Variants in APLP2 observed in about 807,000 individuals in gnomAD.
APLP2 encodes the protein amyloid beta precursor like protein 2, also known as CDEI box-binding protein.
Under a neutral mutation model 89.9 loss-of-function variants are expected in APLP2, and 53 were observed. That is an observed-to-expected ratio of 0.59 (90% CI 0.47 to 0.74). The LOEUF is 0.74. Among genes scored for constraint, APLP2 ranks in the 30% least tolerant of loss-of-function variants. APLP2 has a pLI of 0.00. For missense variants in APLP2, 973 were observed against 975.9 expected (o/e 1.00, Z 0.04); for synonymous variants, 372 against 348.6 (o/e 1.07, Z -0.75).
chr11:130,127,973 G>T, intron 9 of APLP2, 133 bp downstream of exon 9: 1 of 735,350 alleles, frequency 1.4e-6, no homozygotes, highest in Non-Finnish European at 2.2e-6. Context: ...GTTGTAACTG[G>T]CCTGTTTTTC....
rs1164759186 is a variant in APLP2 at position 130,127,894 on chromosome 11, G to A, written c.1296+54G>A. 2.7e-6 allele frequency: 4 copies of A among 1,507,138 alleles called. No individual in the cohort carries two copies. The African/African-American group carries it at 5.5e-5, about 21-fold the overall frequency. 93.4% of individuals were successfully genotyped at this position (1,507,138 alleles called of 1,614,324 possible). A position where few individuals can be genotyped will look rare whatever the true frequency, so the allele number is the denominator to read the frequency against. Reference sequence around the variant, plus strand: ...TTCAGCCTGACCATTGGAAAATACGGTCAGAGCCCCATTCCCAACGAAATT... The same window carrying A: ...TTCAGCCTGACCATTGGAAAATACGATCAGAGCCCCATTCCCAACGAAATT... On this transcript the variant is annotated intron_variant, in intron 9 of 16. Coordinates refer to ENST00000338167, the MANE Select transcript of APLP2 (RefSeq NM_001142276.2).
At chr11:130,080,649 A>G (rs192554077) in intron 1 of APLP2, among the ~76,000 whole-genome samples, 54 of 151,138 alleles carry the variant, frequency 3.6e-4, no homozygotes, top group Non-Finnish European at 6.9e-4. Context: ...GACTGTGATG[A>G]CTGTAAGCTG....
chr11:130,105,243 T>A (rs1437417981), intron 1 of APLP2, among the ~76,000 whole-genome samples: 4 of 152,128 alleles, frequency 2.6e-5, no homozygotes, highest in Non-Finnish European at 5.9e-5. Context: ...TGAGACCCCA[T>A]CTCTACCAAA....
In APLP2 at chr11:130,143,535, C is replaced by G; in HGVS notation, c.*87C>G. 9.0e-7 allele frequency: 1 copy of G among 1,107,104 alleles called. No homozygotes were observed. Among genetic ancestry groups the G allele is most frequent in the African/African-American group, 1.5e-5 (1 of 65,082 alleles). The allele number at this position is 1,107,104 out of a possible 1,614,324, so 68.6% of individuals were successfully genotyped here. A position where few individuals can be genotyped will look rare whatever the true frequency, so the allele number is the denominator to read the frequency against. On this transcript the variant is annotated 3_prime_UTR_variant, in exon 17 of 17. Transcript: ENST00000338167. The stretch of plus-strand genomic sequence containing the variant: ...CCGATCGACTGCCAAGCAGCAGCCG[C>G]TGCCAGGGGCTGCGTCTGACATCCT...
At chr11:130,091,553 C>A (rs1304327180) in intron 1 of APLP2, among the ~76,000 whole-genome samples, 8 of 142,132 alleles carry the variant, frequency 5.6e-5, no homozygotes, top group South Asian at 4.4e-4. Context: ...CTGACCCCCC[C>A]ACCTCCCTCC....
At chr11:130,135,506 C>G (rs1951465115) in intron 12 of APLP2, 57 bp from the exon 13 acceptor site, 3 of 1,583,926 alleles carry the variant, frequency 1.9e-6, no homozygotes, top group South Asian at 1.1e-5. Flanking sequence ...GCATCCTGTG[C>G]CTGGACACCA....
intron 11 of APLP2, among the ~76,000 whole-genome samples, chr11:130,131,440 C>A (rs914529274): frequency 5.9e-5 from 9 of 152,112 alleles, no homozygotes; most frequent in African/African-American, 2.2e-4. Flanking sequence ...ACTTCAGAAG[C>A]TGGTTGTTTT....
intron 16 of APLP2, 77 bp downstream of exon 16, chr11:130,142,151 C>A: frequency 1.4e-6 from 2 of 1,420,696 alleles, no homozygotes; most frequent in Non-Finnish European, 1.9e-6. Flanking sequence ...AATTAATAGG[C>A]ATCTTCACTC....
At chr11:130,126,119 A>G (rs562445733) in intron 7 of APLP2, among the ~76,000 whole-genome samples, 2 of 152,196 alleles carry the variant, frequency 1.3e-5, no homozygotes, top group Non-Finnish European at 2.9e-5. Flanking sequence ...AGAGTCCTTC[A>G]CTGATACTGA....
intron 1 of APLP2, among the ~76,000 whole-genome samples, chr11:130,077,875 A>G (rs1308702749): frequency 6.6e-6 from 1 of 152,230 alleles, no homozygotes; most frequent in Non-Finnish European, 1.5e-5. Flanking sequence ...TTATCAGGAA[A>G]GTGCCAGCCA....
Position 130,069,981 on chromosome 11 carries a change from G to A in APLP2, c.4G>A (p.Ala2Thr), listed in dbSNP as rs1402449640. Reference protein sequence around the residue: MAATGTAAAAAT... With the variant: MTATGTAAAAAT... ...CGCTAGAGCGACCCGGCGAGGGATGGCGGCCACCGGGACCGCGGCCGCCGC... is the reference window on the plus strand; with the variant it reads ...CGCTAGAGCGACCCGGCGAGGGATGACGGCCACCGGGACCGCGGCCGCCGC... Residue 2 changes from alanine (A) to threonine (T), a missense_variant, in exon 1 of 17, where the codon GCG (alanine) becomes ACG (threonine). Coordinates refer to ENST00000338167, the MANE Select transcript of APLP2 (RefSeq NM_001142276.2). 9.3e-6 allele frequency: 14 copies of A among 1,504,738 alleles called. No homozygotes were observed. Among genetic ancestry groups the A allele is most frequent in the Non-Finnish European group, 1.2e-5 (14 of 1,131,372 alleles). 93.2% of individuals were successfully genotyped at this position (1,504,738 alleles called of 1,614,324 possible).
At position 130,120,761 on chromosome 11, in the gene APLP2, CA is replaced by C; in HGVS notation, c.462del (p.Glu155SerfsTer15). The C allele has an allele frequency of 6.2e-7, 1 of 1,613,948 alleles. No individual in the cohort carries two copies. Among genetic ancestry groups the C allele is most frequent in the East Asian group, 2.2e-5 (1 of 44,886 alleles). ...TTCCAGAAAAGTGCCAGTTTTTCCA[CA>C]AAGAGCGGATGGAGGTGTGTGAGAA... ...LVPEKCQFFH[K>X]ERMEVCENHQ... On this transcript the variant is annotated frameshift_variant, in exon 4 of 17. Transcript: ENST00000338167. LOFTEE classifies it high-confidence loss of function.
At chr11:130,116,304 G>T (rs1949149370) in intron 3 of APLP2, among the ~76,000 whole-genome samples, 1 of 152,084 alleles carries the variant, frequency 6.6e-6, no homozygotes, top group Non-Finnish European at 1.5e-5. Context: ...AAATGTCCAT[G>T]TTAAATATAC....
intron 1 of APLP2, among the ~76,000 whole-genome samples, chr11:130,092,624 T>C (rs968666545): frequency 2.3e-5 from 3 of 132,548 alleles, no homozygotes; most frequent in African/African-American, 8.8e-5. Context: ...GGCAGGAGAA[T>C]CAGGCAGGGA....
In APLP2 at chr11:130,135,584, G is replaced by GTGCAGA. The variant is rs746230524; in HGVS notation, c.1708_1713dup (p.Ala570_Asp571dup). 2.5e-5 allele frequency: 40 copies of GTGCAGA among 1,614,036 alleles called. No individual in the cohort carries two copies. Among genetic ancestry groups the GTGCAGA allele is most frequent in the Non-Finnish European group, 3.2e-5 (38 of 1,180,022 alleles). ...TCAGATGAGCTCCTTCAGGAGCAGCGTGCAGATATGGACCAGTTCACTGCC... is the reference window on the plus strand; with the variant it reads ...TCAGATGAGCTCCTTCAGGAGCAGCGTGCAGATGCAGATATGGACCAGTTCACTGCC... On this transcript the variant is annotated inframe_insertion, in exon 13 of 17. Coordinates refer to ENST00000338167, the MANE Select transcript of APLP2 (RefSeq NM_001142276.2).
intron 1 of APLP2, among the ~76,000 whole-genome samples, chr11:130,088,630 C>T (rs1000264993): frequency 6.6e-6 from 1 of 151,888 alleles, no homozygotes; most frequent in Admixed American, 6.6e-5. Flanking sequence ...ATGAAGAAAA[C>T]ACTCCAGAAT....
At chr11:130,106,055 T>C (rs752518340) in intron 1 of APLP2, among the ~76,000 whole-genome samples, 24 of 152,344 alleles carry the variant, frequency 1.6e-4, no homozygotes, top group Non-Finnish European at 2.2e-4. Flanking sequence ...GTTGTAATGT[T>C]ACTTCTCAGC....
At chr11:130,142,114 G>A (rs1317897525) in intron 16 of APLP2, 40 bp downstream of exon 16, 1 of 1,567,234 alleles carries the variant, frequency 6.4e-7, no homozygotes, top group South Asian at 1.2e-5. Context: ...CTGCACTGTG[G>A]GCTGGGTTGG....
Position 130,135,613 on chromosome 11 carries a change from A to G in APLP2, c.1735A>G (p.Ile579Val). Residue 579 changes from isoleucine to valine, a missense_variant, in exon 13 of 17, where the codon ATC becomes GTC. Ile to Val is a conservative substitution (Grantham distance 29, BLOSUM62 3). Transcript: ENST00000338167. ...RADMDQFTASISETPVDVRVS... is the reference protein window; with the variant it reads ...RADMDQFTASVSETPVDVRVS... ...AGATATGGACCAGTTCACTGCCTCA[A>G]TCTCAGAGACCCCTGTGGACGTCCG... The G allele has an allele frequency of 6.2e-7, 1 of 1,614,148 alleles. No individual in the cohort carries two copies. The highest frequency in any genetic ancestry group is 8.5e-7 in the Non-Finnish European group (1 of 1,180,018).
Sources: allele counts gnomAD v4.1 joint callset (sites outside exome capture counted in the v4.1 genomes callset), GRCh38; gene constraint gnomAD v4.1.1; transcripts MANE v1.5; gene names NCBI Gene and HGNC (gene_info 2026-07-23, HGNC 2026-07-21).